Variants in SMYD3 observed in about 807,000 individuals in gnomAD.
The protein encoded by SMYD3 is SET and MYND domain containing 3.
SMYD3 carries 36 observed loss-of-function variants against 57.7 expected under a neutral mutation model. The ratio of observed to expected loss-of-function variants is 0.62; its 90% CI spans 0.48 to 0.82. The LOEUF is 0.82. Ranked by LOEUF, SMYD3 falls within the 40% of genes least tolerant of loss-of-function variation. The pLI is 0.00. For synonymous variants in SMYD3, 211 were observed against 195.0 expected (o/e 1.08, Z -0.68); for missense variants, 515 against 538.8 (o/e 0.96, Z 0.44).
chr1:246,184,496 G>T (rs925488778), intron 5 of SMYD3, among the ~76,000 whole-genome samples: 1 of 152,176 alleles, frequency 6.6e-6, no homozygotes, highest in Admixed American at 6.5e-5. Context: ...TACCTCAGAT[G>T]TGTGACTTCT....
At chr1:246,387,153 G>A (rs886589604) in intron 1 of SMYD3, among the ~76,000 whole-genome samples, 2 of 152,118 alleles carry the variant, frequency 1.3e-5, no homozygotes, top group Non-Finnish European at 2.9e-5. Context: ...AATAACTGTG[G>A]ATAAATATCC....
chr1:246,202,429 AC>A lies in SMYD3; in HGVS notation c.531+124771del, dbSNP rs1352093619. 6.6e-6 allele frequency among the ~76,000 whole-genome samples: 1 copy of A among 151,990 alleles called. No homozygotes were observed. The highest frequency in any genetic ancestry group is 1.5e-5 in the Non-Finnish European group (1 of 68,000). On this transcript the variant is annotated intron_variant, in intron 5 of 11. Transcript: ENST00000490107. This position sits in a 1 kb window ranked among gnomAD's most constrained non-coding sequence, Gnocchi z 4.1. The stretch of plus-strand genomic sequence containing the variant: ...GTTCTTTTTCCAACCAAGTCAGAGG[AC>A]TCCTGCTACTGCAAACCCCAGGCTG...
chr1:246,480,986 G>A (rs1206119807), intron 1 of SMYD3, among the ~76,000 whole-genome samples: 1 of 151,964 alleles, frequency 6.6e-6, no homozygotes, highest in African/African-American at 2.4e-5. Context: ...TTTTAGTAGA[G>A]ACAGGGTATC....
intron 10 of SMYD3, among the ~76,000 whole-genome samples, chr1:245,844,607 T>G (rs947571843): frequency 6.6e-6 from 1 of 151,394 alleles, no homozygotes; most frequent in African/African-American, 2.4e-5. Context: ...CTTGGTTTCT[T>G]TTTTTTTTTC....
chr1:245,980,471 T>A (rs2058568125), intron 5 of SMYD3, among the ~76,000 whole-genome samples: 1 of 152,204 alleles, frequency 6.6e-6, no homozygotes, highest in Admixed American at 6.5e-5. Flanking sequence ...TCTGTAGATG[T>A]ATTGCTCAAC....
intron 10 of SMYD3, among the ~76,000 whole-genome samples, chr1:245,774,483 C>G (rs1165966492): frequency 6.6e-6 from 1 of 152,162 alleles, no homozygotes; most frequent in African/African-American, 2.4e-5. Flanking sequence ...AGACATCTTT[C>G]AAGAATAAGA....
intron 5 of SMYD3, among the ~76,000 whole-genome samples, chr1:246,004,214 T>C (rs996653150): frequency 6.6e-6 from 1 of 152,194 alleles, no homozygotes; most frequent in African/African-American, 2.4e-5. Flanking sequence ...AGAGAAATAA[T>C]AATTCTCATT....
At chr1:245,905,556 C>T (rs546797859) in intron 8 of SMYD3, among the ~76,000 whole-genome samples, 3 of 152,296 alleles carry the variant, frequency 2.0e-5, no homozygotes, top group South Asian at 2.1e-4. Context: ...CCAGCTCAGT[C>T]GTAATACAAA....
chr1:245,761,327 A>G (rs763523347), intron 11 of SMYD3, among the ~76,000 whole-genome samples: 2 of 152,186 alleles, frequency 1.3e-5, no homozygotes, highest in Non-Finnish European at 2.9e-5. Context: ...CAACCTCATC[A>G]GAAGGGTGTG....
chr1:246,232,710 CTCCT>C, intron 5 of SMYD3, among the ~76,000 whole-genome samples: 2 of 130,950 alleles, frequency 1.5e-5, no homozygotes, highest in African/African-American at 5.6e-5. Flanking sequence ...AGGAGAAGCA[CTCCT>C]TCAATTCACA....
At chr1:246,350,121 A>G (rs1030138524) in intron 2 of SMYD3, among the ~76,000 whole-genome samples, 24 of 152,234 alleles carry the variant, frequency 1.6e-4, no homozygotes, top group African/African-American at 5.3e-4. Context: ...AAAGAGCTAC[A>G]TTAATTCTAG....
At chr1:245,953,337 C>T (rs772688752) in intron 5 of SMYD3, 18 of 990,992 alleles carry the variant, frequency 1.8e-5, no homozygotes, top group African/African-American at 3.5e-5. Context: ...TAACTAAAAA[C>T]ATTTTTTAGG....
intron 10 of SMYD3, among the ~76,000 whole-genome samples, chr1:245,853,747 TTAAAA>T (rs1041369717): frequency 2.6e-5 from 4 of 152,074 alleles, no homozygotes; most frequent in African/African-American, 9.7e-5. Flanking sequence ...CCCCGCAAAA[TTAAAA>T]ACGAATGGGG....
At chr1:245,804,517 C>G (rs910641511) in intron 10 of SMYD3, among the ~76,000 whole-genome samples, 2 of 152,130 alleles carry the variant, frequency 1.3e-5, no homozygotes, top group African/African-American at 4.8e-5. Context: ...GAGATTGCAC[C>G]ACTGCACTCC....
intron 1 of SMYD3, among the ~76,000 whole-genome samples, chr1:246,382,162 A>G (rs1244053950): frequency 4.4e-4 from 40 of 90,332 alleles, no homozygotes; most frequent in Admixed American, 1.0e-3. Context: ...GCCAGTTCCT[A>G]TAGCCCCAAA....
intron 1 of SMYD3, among the ~76,000 whole-genome samples, chr1:246,408,113 C>T (rs1296320475): frequency 6.6e-6 from 1 of 151,916 alleles, no homozygotes; most frequent in Non-Finnish European, 1.5e-5. Flanking sequence ...AGCTAATTAC[C>T]TCCCCGAAGC....
intron 7 of SMYD3, among the ~76,000 whole-genome samples, chr1:245,917,408 G>T (rs2055515194): frequency 6.6e-6 from 1 of 152,148 alleles, no homozygotes. Context: ...AGAAAAACTG[G>T]TCCTTCGTCA....
chr1:246,502,852 CTT>C (rs1311167680), intron 1 of SMYD3, among the ~76,000 whole-genome samples: 1 of 152,178 alleles, frequency 6.6e-6, no homozygotes. Flanking sequence ...GTCACACAGT[CTT>C]TTGTCATGAC....
chr1:246,284,109 A>G (rs1441773670), intron 5 of SMYD3, among the ~76,000 whole-genome samples: 3 of 152,336 alleles, frequency 2.0e-5, no homozygotes, highest in Admixed American at 2.0e-4. Context: ...CAGAGCCAAT[A>G]TCAAAAGCAC....
Sources: gnomAD v4.1 joint callset for allele counts (sites outside exome capture counted in the v4.1 genomes callset) on GRCh38, gnomAD v4.1.1 for gene constraint, Gnocchi (gnomAD v3.1) non-coding constraint, MANE v1.5 for transcripts, NCBI Gene and HGNC (gene_info 2026-07-23, HGNC 2026-07-21) for gene names.